Variants in PCED1B observed in about 807,000 individuals in gnomAD.
The protein encoded by PCED1B is PC-esterase domain-containing protein 1B.
For synonymous variants in PCED1B, 251 were observed against 246.1 expected, an observed-to-expected ratio of 1.02 and a Z score of -0.19; for missense variants, 573 against 573.9, an observed-to-expected ratio of 1.00 and a Z score of 0.02.
In PCED1B at chr12:47,235,693, T is replaced by C. The variant is rs148243841; in HGVS notation, c.630T>C (p.Asp210=). 3.0e-4 allele frequency: 477 copies of C among 1,612,746 alleles called. 3 individuals are homozygous for C. The Middle Eastern group carries it at 0.012, about 41-fold the overall frequency. Residue 210 remains aspartate (D), a synonymous_variant, in exon 4 of 4, where the codon GAT becomes GAC. Coordinates refer to ENST00000546455, the MANE Select transcript of PCED1B (RefSeq NM_138371.3). ...CCGAGGCACGTAAACATAACTTCGA[T>C]GTACTGGACTTGCATTTCCACTTCC... ...SATEARKHNF[D]VLDLHFHFRH... is the part of the protein sequence containing the mutation.
rs151230793 is a variant in PCED1B at position 47,196,687 on chromosome 12, G to A, written c.-525-19535G>A. On this transcript the variant is annotated intron_variant, in intron 2 of 3. Transcript: ENST00000546455. ...TACTAAAATTGCAAAAATTATCTGG[G>A]CGTGGTGGCGGGCGCCTGTAATCCC... is the stretch of plus-strand genomic sequence containing the variant. Among the ~76,000 whole-genome samples the A allele has an allele frequency of 3.7e-3, 561 of 152,222 alleles. 1 individual carries two copies. The highest frequency in any genetic ancestry group is 0.013 in the African/African-American group (533 of 41,528).
chr12:47,221,948 T>TA (rs1375146442), intron 3 of PCED1B, among the ~76,000 whole-genome samples: 2 of 150,946 alleles, frequency 1.3e-5, no homozygotes, highest in Non-Finnish European at 3.0e-5. Flanking sequence ...CAAAAAATTT[T>TA]AAAAAATTAG....
At chr12:47,177,472 C>A (rs1208181673) in intron 2 of PCED1B, among the ~76,000 whole-genome samples, 5 of 152,126 alleles carry the variant, frequency 3.3e-5, no homozygotes, top group Admixed American at 1.3e-4. Flanking sequence ...CCATATGTAA[C>A]CTTTGATGTA....
chr12:47,173,165 A>G (rs1472188611), intron 2 of PCED1B, among the ~76,000 whole-genome samples: 2 of 152,174 alleles, frequency 1.3e-5, no homozygotes, highest in African/African-American at 4.8e-5. Context: ...TAGTAGAAGG[A>G]AAAAACCAAC....
intron 2 of PCED1B, among the ~76,000 whole-genome samples, chr12:47,123,000 A>G (rs189093448): frequency 6.6e-6 from 1 of 152,328 alleles, no homozygotes; most frequent in East Asian, 1.9e-4. Context: ...GAAGCGTACC[A>G]TAGGGTAAGA....
chr12:47,191,776 G>T (rs1942446230), intron 2 of PCED1B, among the ~76,000 whole-genome samples: 1 of 151,348 alleles, frequency 6.6e-6, no homozygotes, highest in South Asian at 2.1e-4. Flanking sequence ...AAAGTTTTGG[G>T]GTTTTTTTGG....
intron 2 of PCED1B, among the ~76,000 whole-genome samples, chr12:47,215,617 A>C (rs994377472): frequency 2.0e-5 from 3 of 152,216 alleles, no homozygotes; most frequent in African/African-American, 7.2e-5. Flanking sequence ...TGGAACACTA[A>C]GGGAGGAAGC....
At chr12:47,119,966 C>CATAATAATA (rs57171859) in intron 2 of PCED1B, among the ~76,000 whole-genome samples, 129 of 148,306 alleles carry the variant, frequency 8.7e-4, no homozygotes, top group Middle Eastern at 3.4e-3. Flanking sequence ...ACTCTGTCTC[C>CATAATAATA]ATAATAATAA....
At chr12:47,097,600 C>T (rs1008657669) in intron 1 of PCED1B, among the ~76,000 whole-genome samples, 1 of 152,052 alleles carries the variant, frequency 6.6e-6, no homozygotes, top group African/African-American at 2.4e-5. Context: ...TTTTTATGTA[C>T]AATGGATTCC....
intron 2 of PCED1B, among the ~76,000 whole-genome samples, chr12:47,143,841 G>A (rs1940687443): frequency 1.3e-5 from 2 of 152,124 alleles, no homozygotes; most frequent in Non-Finnish European, 2.9e-5. Context: ...AAAATAGTAT[G>A]GTACTGGTGT....
chr12:47,223,824 T>G (rs1426879376), intron 3 of PCED1B: 1 of 152,236 alleles, frequency 6.6e-6, no homozygotes, highest in African/African-American at 2.4e-5. Flanking sequence ...AGGGGCCTAC[T>G]GTCTGGCAGG....
chr12:47,108,421 C>G (rs116341357), intron 2 of PCED1B, among the ~76,000 whole-genome samples: 2 of 152,202 alleles, frequency 1.3e-5, no homozygotes, highest in Non-Finnish European at 2.9e-5. Context: ...GCACCCTACA[C>G]GTTCCTGTTG....
At chr12:47,143,958 C>G (rs1474042612) in intron 2 of PCED1B, among the ~76,000 whole-genome samples, 1 of 152,170 alleles carries the variant, frequency 6.6e-6, no homozygotes, top group Non-Finnish European at 1.5e-5. Context: ...CCCTACATTT[C>G]CATTTAGCAT....
chr12:47,086,643 A>G (rs910855161), intron 1 of PCED1B, among the ~76,000 whole-genome samples: 1 of 152,234 alleles, frequency 6.6e-6, no homozygotes, highest in Non-Finnish European at 1.5e-5. Flanking sequence ...AAAACTATGC[A>G]TCTAGAATTA....
At chr12:47,094,716 G>A (rs1938406101) in intron 1 of PCED1B, among the ~76,000 whole-genome samples, 1 of 151,806 alleles carries the variant, frequency 6.6e-6, no homozygotes, top group African/African-American at 2.4e-5. Context: ...TCCTGATTTT[G>A]TTCTTTTTGC....
chr12:47,236,656 C>A lies in PCED1B; in HGVS notation c.*294C>A. On this transcript the variant is annotated 3_prime_UTR_variant, in exon 4 of 4. Transcript: ENST00000546455. ...ATAAAATGGAAATAAACAAGTTGCA[C>A]AGAAGTAGTTGTGGGTTTTGCATGT... The A allele has an allele frequency of 3.1e-6, 1 of 319,364 alleles. No homozygotes were observed. Among genetic ancestry groups the A allele is most frequent in the Non-Finnish European group, 6.0e-6 (1 of 167,470 alleles). The allele number at this position is 319,364 out of a possible 1,614,324, so 19.8% of individuals were successfully genotyped here.
chr12:47,090,864 G>A (rs1213126970), intron 1 of PCED1B, among the ~76,000 whole-genome samples: 4 of 151,818 alleles, frequency 2.6e-5, no homozygotes, highest in Non-Finnish European at 5.9e-5. Context: ...CCGGTTTGTT[G>A]GAACAACATT....
At chr12:47,104,595 A>G (rs909317246) in intron 2 of PCED1B, among the ~76,000 whole-genome samples, 2 of 152,218 alleles carry the variant, frequency 1.3e-5, no homozygotes, top group African/African-American at 4.8e-5. Context: ...CCTTTGGCCT[A>G]TTGGAATAAG....
At chr12:47,108,906 T>C (rs1004186002) in intron 2 of PCED1B, among the ~76,000 whole-genome samples, 1 of 152,242 alleles carries the variant, frequency 6.6e-6, no homozygotes, top group Non-Finnish European at 1.5e-5. Context: ...GTAATAATTT[T>C]ACAAGTATGT....
Sources: gnomAD v4.1 joint callset for allele counts (sites outside exome capture counted in the v4.1 genomes callset) on GRCh38, gnomAD v4.1.1 for gene constraint, MANE v1.5 for transcripts, NCBI Gene and HGNC (gene_info 2026-07-23, HGNC 2026-07-21) for gene names.